AFG3L2: variants seen among roughly 807,000 people sequenced by gnomAD.
The protein encoded by AFG3L2 is mitochondrial inner membrane m-AAA protease component AFG3L2.
In AFG3L2, 54 loss-of-function variants were observed where a neutral mutation model predicts 94.5. The ratio of observed to expected loss-of-function variants is 0.57; its 90% CI spans 0.46 to 0.72. The LOEUF (loss-of-function observed/expected upper bound fraction) is 0.72. Ranked by LOEUF, AFG3L2 falls within the 30% of genes least tolerant of loss-of-function variation. The pLI, the probability that AFG3L2 is intolerant of heterozygous loss-of-function variation, is 0.00. For synonymous variants in AFG3L2, 377 were observed against 365.5 expected (o/e 1.03, Z -0.36); for missense variants, 754 against 994.9 (o/e 0.76, Z 3.26).
Position 12,351,469 on chromosome 18 carries a change from G to A in AFG3L2, c.1319-56C>T, listed in dbSNP as rs1483107765. The stretch of plus-strand genomic sequence containing the variant: ...AAATGACAAGAGGCAGAAAGCAACA[G>A]TGCACCATCAGGAACATATGAGCAC... On this transcript the variant is annotated intron_variant, in intron 10 of 16. Transcript: ENST00000269143. 2.0e-6 allele frequency: 3 copies of A among 1,466,750 alleles called. No homozygotes were observed. The East Asian group carries it at 6.8e-5, about 33-fold the overall frequency. 90.9% of individuals were successfully genotyped at this position (1,466,750 alleles called of 1,614,324 possible).
intron 12 of AFG3L2, among the ~76,000 whole-genome samples, chr18:12,348,847 G>C (rs1908225283): frequency 6.6e-6 from 1 of 152,212 alleles, no homozygotes; most frequent in Non-Finnish European, 1.5e-5. Context: ...CTAAAAGCTT[G>C]TCAAATGCTT....
intron 14 of AFG3L2, chr18:12,341,760 A>G (rs1475806305): frequency 6.6e-6 from 1 of 152,228 alleles, no homozygotes; most frequent in Admixed American, 6.5e-5. Flanking sequence ...TGGGGAAATA[A>G]AAGTTGAATT....
chr18:12,339,792 T>C (rs1437935821), intron 15 of AFG3L2, among the ~76,000 whole-genome samples: 2 of 142,734 alleles, frequency 1.4e-5, no homozygotes, highest in Non-Finnish European at 3.0e-5. Context: ...GAGCTTGCAG[T>C]GAGCCGAGAT....
At chr18:12,337,092 C>CA in intron 16 of AFG3L2, 2 of 607,420 alleles carry the variant, frequency 3.3e-6, no homozygotes, top group Non-Finnish European at 5.8e-6. Context: ...TGGTTACTGA[C>CA]AGACTTCATT....
Position 12,346,921 on chromosome 18 carries a change from A to G in AFG3L2, c.1663+1352T>C, listed in dbSNP as rs1420396451. 4.0e-5 allele frequency among the ~76,000 whole-genome samples: 6 copies of G among 148,666 alleles called. No individual in the cohort carries two copies. In the East Asian group the frequency reaches 1.0e-3, roughly 25 times the overall value. On this transcript the variant is annotated intron_variant, in intron 13 of 16. Coordinates refer to ENST00000269143, the MANE Select transcript of AFG3L2 (RefSeq NM_006796.3). ...TCCATCTCAAAAAAAAAAAAAAAAA[A>G]AAAAAAGGAGTTAGAGACCAGCCTG... is the stretch of plus-strand genomic sequence containing the variant.
At position 12,356,693 on chromosome 18, in the gene AFG3L2, C is replaced by T. The variant is rs1598832526; in HGVS notation, c.1164+1G>A. 2 of 1,614,186 alleles carry T rather than the reference C, an allele frequency of 1.2e-6. No homozygotes were observed. The highest frequency in any genetic ancestry group is 2.2e-5 in the South Asian group (2 of 91,080). ...TACCATCCGAACAGAATGAGACTCA[C>T]TCTAGCAGGGCCCACACCAACGAAC... On this transcript the variant is annotated splice_donor_variant, in intron 9 of 16. Transcript: ENST00000269143. LOFTEE classifies it high-confidence loss of function.
At chr18:12,360,431 G>C (rs1468548647) in intron 6 of AFG3L2, among the ~76,000 whole-genome samples, 5 of 152,080 alleles carry the variant, frequency 3.3e-5, no homozygotes, top group African/African-American at 7.2e-5. Context: ...TGTGAAACAG[G>C]GATAAGAGCT....
At chr18:12,368,474 A>T (rs2143221888) in intron 3 of AFG3L2, among the ~76,000 whole-genome samples, 1 of 152,304 alleles carries the variant, frequency 6.6e-6, no homozygotes, top group East Asian at 1.9e-4. Context: ...ACAAATGGCT[A>T]AAAAAACACA....
chr18:12,365,025 G>A (rs1428173096), intron 5 of AFG3L2, among the ~76,000 whole-genome samples: 6 of 152,180 alleles, frequency 3.9e-5, no homozygotes, highest in Non-Finnish European at 7.3e-5. Flanking sequence ...ACTGTAACTG[G>A]TTTAGGAGCA....
chr18:12,361,602 G>C (rs761957205), intron 6 of AFG3L2, among the ~76,000 whole-genome samples: 1 of 152,162 alleles, frequency 6.6e-6, no homozygotes, highest in Non-Finnish European at 1.5e-5. Context: ...AGCCAAGATC[G>C]CGCCACTGCA....
Position 12,329,796 on chromosome 18 carries a change from C to A in AFG3L2, c.2176-13G>T. ...ACAGAAGAGCAACCTGAAATATGAA[C>A]AATTTTCATTAAATACAGTTACTCA... is the stretch of plus-strand genomic sequence containing the variant. On this transcript the variant is annotated splice_polypyrimidine_tract_variant and intron_variant, in intron 16 of 16. Transcript: ENST00000269143. 1 of 1,600,250 alleles carries A rather than the reference C, an allele frequency of 6.2e-7. No individual in the cohort carries two copies. Among genetic ancestry groups the A allele is most frequent in the Non-Finnish European group, 8.6e-7 (1 of 1,167,568 alleles).
In AFG3L2 at chr18:12,363,684, C is replaced by T. The variant is rs2298543; in HGVS notation, c.627+98G>A. ...CTGCCCAGTTCTGATATATCTGGTG[C>T]GTATAACTCCTAGAGTATGAGGCAG... On this transcript the variant is annotated intron_variant, in intron 6 of 16. Transcript: ENST00000269143. 0.21 allele frequency: 197,013 copies of T among 918,962 alleles called. 23,467 individuals carry two copies. The highest frequency in any genetic ancestry group is 0.4 in the East Asian group (16,596 of 41,486). 56.9% of individuals were successfully genotyped at this position (918,962 alleles called of 1,614,324 possible).
intron 6 of AFG3L2, 186 bp from the exon 7 acceptor site, chr18:12,360,237 G>T: frequency 1.7e-6 from 1 of 588,176 alleles, no homozygotes; most frequent in Non-Finnish European, 2.9e-6. Flanking sequence ...AGAACACTTG[G>T]CAATTCTTGG....
At chr18:12,332,187 G>A (rs985291182) in intron 16 of AFG3L2, among the ~76,000 whole-genome samples, 11 of 147,222 alleles carry the variant, frequency 7.5e-5, no homozygotes, top group Admixed American at 5.5e-4. Context: ...ACAATGGCGC[G>A]ATGTTGGCTC....
At chr18:12,333,036 ATATAAT>A (rs1907606745) in intron 16 of AFG3L2, among the ~76,000 whole-genome samples, 2 of 54,922 alleles carry the variant, frequency 3.6e-5, no homozygotes, top group Admixed American at 2.4e-4. Flanking sequence ...ATATAAAAAT[ATATAAT>A]CTATTATATA....
At chr18:12,334,318 G>A (rs979243543) in intron 16 of AFG3L2, among the ~76,000 whole-genome samples, 3 of 152,192 alleles carry the variant, frequency 2.0e-5, no homozygotes, top group African/African-American at 4.8e-5. Flanking sequence ...GTTGTGCAGC[G>A]TGAGTCGTGT....
At chr18:12,375,249 C>T (rs1224296150) in intron 1 of AFG3L2, among the ~76,000 whole-genome samples, 2 of 148,450 alleles carry the variant, frequency 1.3e-5, no homozygotes, top group African/African-American at 4.9e-5. Context: ...TCCCCCTCCC[C>T]ACCCCCGCTC....
At chr18:12,357,065 C>CT (rs1311422674) in intron 8 of AFG3L2, among the ~76,000 whole-genome samples, 1 of 151,844 alleles carries the variant, frequency 6.6e-6, no homozygotes, top group African/African-American at 2.4e-5. Flanking sequence ...AAAATATTTC[C>CT]TTTTTTTCCT....
At chr18:12,347,845 G>A (rs1182749479) in intron 13 of AFG3L2, among the ~76,000 whole-genome samples, 2 of 152,116 alleles carry the variant, frequency 1.3e-5, no homozygotes, top group East Asian at 1.9e-4. Flanking sequence ...CACCGCACCC[G>A]GCTGTTACAG....
Sources: gnomAD v4.1 joint callset for allele counts (sites outside exome capture counted in the v4.1 genomes callset) on GRCh38, gnomAD v4.1.1 for gene constraint, MANE v1.5 for transcripts, NCBI Gene and HGNC (gene_info 2026-07-23, HGNC 2026-07-21) for gene names.